Variants in SDCCAG8 observed in about 807,000 individuals in gnomAD.
SDCCAG8 encodes serologically defined colon cancer antigen 8.
In SDCCAG8, 74 loss-of-function variants were observed where a neutral mutation model predicts 101.8. That is an observed-to-expected ratio of 0.73 (90% CI 0.60 to 0.88). The LOEUF (loss-of-function observed/expected upper bound fraction) is 0.88. Among genes scored for constraint, SDCCAG8 ranks in the 40% least tolerant of loss-of-function variants. SDCCAG8 has a pLI of 0.00. For synonymous variants in SDCCAG8, 281 were observed against 292.9 expected (o/e 0.96, Z 0.41); for missense variants, 787 against 822.6 (o/e 0.96, Z 0.53).
At chr1:243,293,317 C>A in intron 6 of SDCCAG8, 98 bp downstream of exon 6, 1 of 1,234,528 alleles carries the variant, frequency 8.1e-7, no homozygotes, top group Non-Finnish European at 1.2e-6. Context: ...CAAAATTTAC[C>A]ATTATAACCA....
intron 16 of SDCCAG8, among the ~76,000 whole-genome samples, chr1:243,438,950 A>C (rs1360928925): frequency 6.6e-6 from 1 of 152,176 alleles, no homozygotes; most frequent in East Asian, 1.9e-4. Context: ...TTAACTAACC[A>C]AGTGAGTGAC....
intron 16 of SDCCAG8, among the ~76,000 whole-genome samples, chr1:243,457,453 C>T (rs908943941): frequency 6.6e-6 from 1 of 152,104 alleles, no homozygotes; most frequent in African/African-American, 2.4e-5. Context: ...AAGAATTCAC[C>T]GTTTAAGTAA....
intron 16 of SDCCAG8, among the ~76,000 whole-genome samples, chr1:243,470,294 C>T (rs751546123): frequency 1.3e-5 from 2 of 152,100 alleles, no homozygotes; most frequent in Non-Finnish European, 1.5e-5. Context: ...GCATCCTGGC[C>T]GTCATCACTC....
Position 243,457,235 on chromosome 1 carries a change from C to G in SDCCAG8, c.1985+30677C>G, listed in dbSNP as rs531091047. Among the ~76,000 whole-genome samples, 121 of 152,166 alleles carry G rather than the reference C, an allele frequency of 8.0e-4. 1 individual carries two copies. In the South Asian group the frequency reaches 0.019, roughly 24 times the overall value. On this transcript the variant is annotated intron_variant, in intron 16 of 17. Coordinates refer to ENST00000366541, the MANE Select transcript of SDCCAG8 (RefSeq NM_006642.5). ...ATATTCAGAATAGCATGTGTCTATT[C>G]TGTTGATCCTGAAGCCATAAAAGAA...
chr1:243,490,027 G>C (rs1457540334), intron 17 of SDCCAG8, among the ~76,000 whole-genome samples: 1 of 152,222 alleles, frequency 6.6e-6, no homozygotes, highest in Non-Finnish European at 1.5e-5. Context: ...AATTAGGATT[G>C]CACCCAGGTG....
intron 8 of SDCCAG8, among the ~76,000 whole-genome samples, chr1:243,308,728 T>C (rs1033406096): frequency 6.6e-6 from 1 of 152,246 alleles, no homozygotes; most frequent in Non-Finnish European, 1.5e-5. Flanking sequence ...AGTTTTCGTC[T>C]AAGCTGAGTG....
chr1:243,291,575 C>T (rs2070273150), intron 5 of SDCCAG8, among the ~76,000 whole-genome samples: 1 of 152,156 alleles, frequency 6.6e-6, no homozygotes, highest in South Asian at 2.1e-4. Context: ...CATACATGCA[C>T]TGTTTCTTTT....
Position 243,278,346 on chromosome 1 carries a change from G to A in SDCCAG8, c.420+3690G>A, listed in dbSNP as rs145138891. Among the ~76,000 whole-genome samples, 501 of 151,984 alleles carry A rather than the reference G, an allele frequency of 3.3e-3. 5 individuals carry two copies. The highest frequency in any genetic ancestry group is 0.012 in the African/African-American group (478 of 41,452). ...AACAATTCTTCTGCCTCAGCCTCCC[G>A]AATAGCTGGGACTACAGGTGTGTGC... On this transcript the variant is annotated intron_variant, in intron 4 of 17. Coordinates refer to ENST00000366541, the MANE Select transcript of SDCCAG8 (RefSeq NM_006642.5).
intron 16 of SDCCAG8, among the ~76,000 whole-genome samples, chr1:243,482,933 C>G (rs1212030987): frequency 6.6e-6 from 1 of 152,174 alleles, no homozygotes; most frequent in Non-Finnish European, 1.5e-5. Flanking sequence ...GTGTGTGGTT[C>G]GCAGGCTGTG....
At chr1:243,413,829 C>T (rs189456408) in intron 13 of SDCCAG8, among the ~76,000 whole-genome samples, 28 of 152,236 alleles carry the variant, frequency 1.8e-4, no homozygotes, top group Admixed American at 1.3e-3. Flanking sequence ...TTTAGCAGCA[C>T]GGTCTCCAGC....
At chr1:243,440,703 G>T (rs1237336641) in intron 16 of SDCCAG8, among the ~76,000 whole-genome samples, 1 of 152,162 alleles carries the variant, frequency 6.6e-6, no homozygotes, top group Non-Finnish European at 1.5e-5. Context: ...ATGGCTTTTT[G>T]ACATTTCTTT....
intron 16 of SDCCAG8, among the ~76,000 whole-genome samples, chr1:243,485,421 G>T (rs1234299495): frequency 6.6e-6 from 1 of 152,194 alleles, no homozygotes; most frequent in Non-Finnish European, 1.5e-5. Context: ...GAAACTGTGG[G>T]TGGATGAAGA....
Position 243,350,248 on chromosome 1 carries a change from G to A in SDCCAG8, c.1473+5917G>A, listed in dbSNP as rs561315799. Among the ~76,000 whole-genome samples the A allele has an allele frequency of 1.2e-4, 18 of 151,078 alleles. No homozygotes were observed. The South Asian group carries it at 3.8e-3, about 32-fold the overall frequency. ...TTTTGAGACGGAGTCTCATACTGTC[G>A]CCCAGGCTGGAGTGCAGTGGTGCAA... On this transcript the variant is annotated intron_variant, in intron 12 of 17. Transcript: ENST00000366541.
intron 9 of SDCCAG8, among the ~76,000 whole-genome samples, chr1:243,324,429 C>T (rs1454146104): frequency 6.6e-6 from 1 of 150,690 alleles, no homozygotes; most frequent in African/African-American, 2.4e-5. Flanking sequence ...TATACCACTG[C>T]CCTGGTTCAA....
intron 5 of SDCCAG8, among the ~76,000 whole-genome samples, chr1:243,288,375 GAGGTCAGAGGATCC>G (rs1558238362): frequency 6.6e-6 from 1 of 151,966 alleles, no homozygotes. Flanking sequence ...TTTGGAGACT[GAGGTCAGAGGATCC>G]CAGGAGGTCA....
At chr1:243,496,160 A>G (rs1667801055) in intron 17 of SDCCAG8, among the ~76,000 whole-genome samples, 1 of 152,266 alleles carries the variant, frequency 6.6e-6, no homozygotes, top group Non-Finnish European at 1.5e-5. Flanking sequence ...AGATAGAAAA[A>G]TAAGGCCCAG....
intron 3 of SDCCAG8, among the ~76,000 whole-genome samples, chr1:243,272,358 A>G (rs1412714841): frequency 1.3e-5 from 2 of 152,230 alleles, no homozygotes; most frequent in Non-Finnish European, 2.9e-5. Context: ...CCAGGCTGAC[A>G]CATACTTTTA....
Position 243,486,149 on chromosome 1 carries a change from C to T in SDCCAG8, c.1986-2865C>T, listed in dbSNP as rs566996820. Among the ~76,000 whole-genome samples the T allele has an allele frequency of 2.3e-4, 30 of 131,686 alleles. 1 individual carries two copies. The highest frequency in any genetic ancestry group is 4.8e-4 in the African/African-American group (17 of 35,444). 86.4% of individuals were successfully genotyped at this position (131,686 alleles called of 152,430 possible). ...CCCGGAGGCGGAGGTTGCGGTGAGCCGAGATCGCACCATTGTACTCCAGCC... is the reference window on the plus strand; with the variant it reads ...CCCGGAGGCGGAGGTTGCGGTGAGCTGAGATCGCACCATTGTACTCCAGCC... On this transcript the variant is annotated intron_variant, in intron 16 of 17. Coordinates refer to ENST00000366541, the MANE Select transcript of SDCCAG8 (RefSeq NM_006642.5).
Position 243,349,623 on chromosome 1 carries a change from C to G in SDCCAG8, c.1473+5292C>G, listed in dbSNP as rs561372334. On this transcript the variant is annotated intron_variant, in intron 12 of 17. Coordinates refer to ENST00000366541, the MANE Select transcript of SDCCAG8 (RefSeq NM_006642.5). ...AGTATTTTGCAGTATAACAAATGTG[C>G]CACATCTTTAGTCTCTTAAAAATCT... 7.2e-5 allele frequency among the ~76,000 whole-genome samples: 11 copies of G among 152,256 alleles called. No homozygotes were observed. The South Asian group carries it at 2.1e-3, about 29-fold the overall frequency.
Sources: gnomAD v4.1 joint callset for allele counts (sites outside exome capture counted in the v4.1 genomes callset) on GRCh38, gnomAD v4.1.1 for gene constraint, MANE v1.5 for transcripts, NCBI Gene and HGNC (gene_info 2026-07-23, HGNC 2026-07-21) for gene names.